GRIN2A: variants seen among roughly 807,000 people sequenced by gnomAD.
GRIN2A encodes glutamate receptor ionotropic, NMDA 2A.
GRIN2A carries 22 observed loss-of-function variants against 113.4 expected under a neutral mutation model. The ratio of observed to expected loss-of-function variants is 0.19; its 90% CI spans 0.14 to 0.28. The LOEUF is 0.28. GRIN2A is among the 10% of genes least tolerant of loss of function. The pLI is 1.00. For synonymous variants in GRIN2A, 827 were observed against 738.4 expected, an observed-to-expected ratio of 1.12 and a Z score of -1.94; for missense variants, 1,502 against 1,887.0, an observed-to-expected ratio of 0.80 and a Z score of 3.78.
intron 2 of GRIN2A, among the ~76,000 whole-genome samples, chr16:9,944,302 A>C (rs1291706831): frequency 2.6e-5 from 4 of 152,150 alleles, no homozygotes; most frequent in African/African-American, 9.7e-5. Flanking sequence ...GGGTGAGAGG[A>C]AAAGTAAAAA....
chr16:9,861,708 G>A (rs760428954), intron 4 of GRIN2A, among the ~76,000 whole-genome samples: 2 of 152,144 alleles, frequency 1.3e-5, no homozygotes, highest in African/African-American at 2.4e-5. Context: ...GAAATCAAGC[G>A]TCACTTTGGA....
intron 2 of GRIN2A, among the ~76,000 whole-genome samples, chr16:10,064,479 C>A (rs1361772304): frequency 6.6e-6 from 1 of 152,196 alleles, no homozygotes; most frequent in African/African-American, 2.4e-5. Context: ...CAGCTTCACT[C>A]CATGTTAACC....
chr16:10,181,029 T>C (rs2142394124), intron 1 of GRIN2A, among the ~76,000 whole-genome samples: 1 of 152,198 alleles, frequency 6.6e-6, no homozygotes, highest in East Asian at 1.9e-4. Flanking sequence ...CAGCCCCAAC[T>C]ACAGACCCGG....
intron 2 of GRIN2A, among the ~76,000 whole-genome samples, chr16:9,960,004 A>G (rs2045403056): frequency 6.6e-6 from 1 of 152,200 alleles, no homozygotes; most frequent in African/African-American, 2.4e-5. Flanking sequence ...AGCACATACC[A>G]GCAAACCTAG....
intron 2 of GRIN2A, among the ~76,000 whole-genome samples, chr16:10,067,256 C>T (rs964971531): frequency 2.0e-5 from 3 of 152,086 alleles, no homozygotes; most frequent in African/African-American, 7.2e-5. Flanking sequence ...AAATAATTTG[C>T]TTTAAATCCA....
chr16:10,151,867 C>T (rs1053852876), intron 2 of GRIN2A, among the ~76,000 whole-genome samples: 1 of 152,182 alleles, frequency 6.6e-6, no homozygotes, highest in Non-Finnish European at 1.5e-5. Flanking sequence ...CTCTGTCTGA[C>T]CTCCGACCCT....
intron 2 of GRIN2A, among the ~76,000 whole-genome samples, chr16:9,995,154 A>G (rs144992968): frequency 1.2e-3 from 190 of 152,278 alleles, no homozygotes; most frequent in Non-Finnish European, 1.9e-3. Flanking sequence ...TGGTTAGAGA[A>G]GGCCACTCTG....
intron 12 of GRIN2A, among the ~76,000 whole-genome samples, chr16:9,765,218 G>A (rs768006008): frequency 3.9e-5 from 6 of 152,304 alleles, no homozygotes; most frequent in Non-Finnish European, 7.3e-5. Flanking sequence ...ATCAACCGAT[G>A]CTCATACAAC....
chr16:10,121,136 C>A (rs1217008556), intron 2 of GRIN2A, among the ~76,000 whole-genome samples: 1 of 152,144 alleles, frequency 6.6e-6, no homozygotes. Flanking sequence ...GTGGGGCAAC[C>A]ACAAAGATTG....
chr16:10,028,433 A>G (rs543399710), intron 2 of GRIN2A, among the ~76,000 whole-genome samples: 15 of 152,322 alleles, frequency 9.8e-5, no homozygotes, highest in Admixed American at 9.8e-4. Flanking sequence ...GCACCTCTGC[A>G]TCTGGGTGTA....
chr16:10,109,786 G>C (rs1417845227), intron 2 of GRIN2A, among the ~76,000 whole-genome samples: 1 of 151,972 alleles, frequency 6.6e-6, no homozygotes, highest in Non-Finnish European at 1.5e-5. Flanking sequence ...AGGGGATGGA[G>C]ACCTCATTTT....
chr16:10,010,316 A>G (rs1182930317), intron 2 of GRIN2A, among the ~76,000 whole-genome samples: 2 of 152,220 alleles, frequency 1.3e-5, no homozygotes, highest in Non-Finnish European at 2.9e-5. Flanking sequence ...TTAGTCCTCC[A>G]GAGTTTTCAA....
chr16:9,797,229 C>T (rs528045772), intron 11 of GRIN2A, among the ~76,000 whole-genome samples: 3 of 152,356 alleles, frequency 2.0e-5, no homozygotes, highest in South Asian at 2.1e-4. Flanking sequence ...ACTATTTGAA[C>T]GGGGCTTCTG....
intron 2 of GRIN2A, among the ~76,000 whole-genome samples, chr16:10,142,154 CA>C (rs1439878510): frequency 2.0e-5 from 3 of 152,074 alleles, no homozygotes; most frequent in African/African-American, 7.2e-5. Context: ...CACGAACCCA[CA>C]AGAAGATATT....
At chr16:9,984,838 G>T (rs8044626) in intron 2 of GRIN2A, among the ~76,000 whole-genome samples, 15,849 of 152,116 alleles carry the variant, frequency 0.1, 977 homozygotes, top group African/African-American at 0.14. Flanking sequence ...TTAGTTTTTG[G>T]TTTTTTATTA....
At chr16:9,822,805 G>A (rs1222199600) in intron 9 of GRIN2A, among the ~76,000 whole-genome samples, 1 of 152,068 alleles carries the variant, frequency 6.6e-6, no homozygotes, top group Non-Finnish European at 1.5e-5. Context: ...TGAACTTAAG[G>A]TACTACCTTA....
intron 4 of GRIN2A, among the ~76,000 whole-genome samples, chr16:9,865,100 A>G (rs751815779): frequency 3.3e-5 from 5 of 152,222 alleles, no homozygotes; most frequent in Non-Finnish European, 7.3e-5. Context: ...GCTCTAAAGT[A>G]TTCCAACAAG....
chr16:9,868,168 C>A (rs1342615719), intron 4 of GRIN2A, among the ~76,000 whole-genome samples: 1 of 152,210 alleles, frequency 6.6e-6, no homozygotes, highest in Non-Finnish European at 1.5e-5. Flanking sequence ...TCCAGGCCTT[C>A]ACCTCTCACT....
At chr16:10,175,854 C>T (rs138406108) in intron 2 of GRIN2A, among the ~76,000 whole-genome samples, 83 of 152,186 alleles carry the variant, frequency 5.5e-4, no homozygotes, top group Non-Finnish European at 9.9e-4. Context: ...AAAGATCTAG[C>T]CCATATTCTG....
Sources: allele counts gnomAD v4.1 joint callset (sites outside exome capture counted in the v4.1 genomes callset), GRCh38; gene constraint gnomAD v4.1.1; transcripts MANE v1.5; gene names NCBI Gene and HGNC (gene_info 2026-07-23, HGNC 2026-07-21).